The following DMD variants were observed in gnomAD, a reference collection of about 807,000 sequenced individuals.
DMD encodes the protein dystrophin, also known as mutant dystrophin.
In DMD, 63 loss-of-function variants were observed where a neutral mutation model predicts 330.1. The ratio of observed to expected loss-of-function variants is 0.19; its 90% CI spans 0.16 to 0.24. The LOEUF (loss-of-function observed/expected upper bound fraction) is 0.24, where lower values mean the gene tolerates loss of function less well. Among genes scored for constraint, DMD ranks in the 10% least tolerant of loss-of-function variants. The pLI is 1.00. For synonymous variants in DMD, 1,223 were observed against 959.8 expected (o/e 1.27, Z -5.07); for missense variants, 3,344 against 2,684.1 (o/e 1.25, Z -5.43).
intron 54 of DMD, among the ~76,000 whole-genome samples, chrX:31,644,907 T>C (rs963559999): frequency 6.3e-5 from 7 of 111,766 alleles, no homozygotes; most frequent in African/African-American, 2.3e-4. Context: ...TTGGCTGGGC[T>C]TCTGGAATTG....
At chrX:32,111,717 C>A (rs781374236) in intron 44 of DMD, among the ~76,000 whole-genome samples, 2 of 111,549 alleles carry the variant, frequency 1.8e-5, no homozygotes, top group African/African-American at 6.5e-5. Flanking sequence ...ATGTCAACCA[C>A]TTTCCATACC....
At chrX:31,611,171 C>T (rs947567588) in intron 55 of DMD, among the ~76,000 whole-genome samples, 1 of 109,080 alleles carries the variant, frequency 9.2e-6, no homozygotes, top group Admixed American at 9.9e-5. Context: ...GGCACAAGAA[C>T]TACCTAGGGG....
At chrX:32,510,654 T>C (rs999266197) in intron 18 of DMD, among the ~76,000 whole-genome samples, 1 of 111,595 alleles carries the variant, frequency 9.0e-6, no homozygotes, top group African/African-American at 3.3e-5. Context: ...GTCTCTCCCC[T>C]TACCCACAAT....
intron 54 of DMD, among the ~76,000 whole-genome samples, chrX:31,636,086 G>T (rs2079397199): frequency 8.9e-6 from 1 of 111,850 alleles, no homozygotes; most frequent in Non-Finnish European, 1.9e-5. Flanking sequence ...GCAAACTAAT[G>T]CAGGAACAGA....
intron 43 of DMD, among the ~76,000 whole-genome samples, chrX:32,276,666 T>TC (rs766664771): frequency 9.0e-6 from 1 of 111,406 alleles, no homozygotes; most frequent in South Asian, 3.8e-4. Context: ...ACGCCTGTAA[T>TC]CCTAGCACTT....
chrX:32,775,674 G>C (rs2074066122), intron 7 of DMD, among the ~76,000 whole-genome samples: 1 of 113,050 alleles, frequency 8.8e-6, no homozygotes, highest in Non-Finnish European at 1.9e-5. Flanking sequence ...GTGGGGCCTT[G>C]GGCCTGGCCC....
intron 2 of DMD, among the ~76,000 whole-genome samples, chrX:32,941,624 T>TGAAAAC (rs1164827969): frequency 9.1e-6 from 1 of 110,316 alleles, no homozygotes; most frequent in African/African-American, 3.3e-5. Flanking sequence ...GACATAAAGG[T>TGAAAAC]GAAAACGATA....
chrX:31,621,383 A>G (rs1376451727), intron 55 of DMD, among the ~76,000 whole-genome samples: 1 of 111,901 alleles, frequency 8.9e-6, no homozygotes, highest in African/African-American at 3.3e-5. Flanking sequence ...CATGGGTCTC[A>G]TATCTTTCCA....
chrX:32,520,204 G>T (rs1219196287), intron 17 of DMD, among the ~76,000 whole-genome samples: 2 of 111,102 alleles, frequency 1.8e-5, no homozygotes, highest in African/African-American at 3.3e-5. Flanking sequence ...TGACTATCAG[G>T]TTCCTGTTTC....
intron 44 of DMD, among the ~76,000 whole-genome samples, chrX:32,163,250 A>T (rs1341835654): frequency 2.7e-5 from 3 of 111,456 alleles, no homozygotes; most frequent in African/African-American, 9.8e-5. Flanking sequence ...GAATCCATGT[A>T]CCTCTCATTG....
chrX:33,015,611 G>A (rs933232431), intron 2 of DMD, among the ~76,000 whole-genome samples: 4 of 109,917 alleles, frequency 3.6e-5, no homozygotes, highest in African/African-American at 6.6e-5. Context: ...ACCAACCCCC[G>A]TGACACAAGT....
At chrX:32,807,327 T>TA (rs1334750063) in intron 7 of DMD, among the ~76,000 whole-genome samples, 1 of 110,049 alleles carries the variant, frequency 9.1e-6, no homozygotes, top group Non-Finnish European at 1.9e-5. Context: ...CAAACACCTC[T>TA]ACGCAAATAA....
At chrX:32,683,284 C>T (rs191336008) in intron 9 of DMD, among the ~76,000 whole-genome samples, 317 of 110,573 alleles carry the variant, frequency 2.9e-3, no homozygotes, top group African/African-American at 8.7e-3. Flanking sequence ...CCAGCCATCA[C>T]ATTACTGGGT....
chrX:33,328,334 G>C (rs1401839011), intron 1 of DMD, among the ~76,000 whole-genome samples: 1 of 110,484 alleles, frequency 9.1e-6, no homozygotes, highest in Non-Finnish European at 1.9e-5. Context: ...CTCCCGAGTA[G>C]CTGGGACTAC....
chrX:32,633,472 C>A lies in DMD; in HGVS notation c.1331+10660G>T, dbSNP rs779731012. Among the ~76,000 whole-genome samples, 6 of 111,965 alleles carry A rather than the reference C, an allele frequency of 5.4e-5. No homozygotes were observed. The East Asian group carries it at 1.1e-3, about 21-fold the overall frequency. ...CAGTCTCTAAGACATTCCAAATTTT[C>A]CCTCATCTGTCTTCTTCTGAGCCCT... On this transcript the variant is annotated intron_variant, in intron 11 of 78. Coordinates refer to ENST00000357033, the MANE Select transcript of DMD (RefSeq NM_004006.3).
At chrX:33,199,511 G>A (rs375281605) in intron 1 of DMD, among the ~76,000 whole-genome samples, 12 of 111,197 alleles carry the variant, frequency 1.1e-4, no homozygotes, top group African/African-American at 3.9e-4. Context: ...GCATTTAGAG[G>A]GAGGTGACTA....
At chrX:31,230,969 A>C (rs772215822) in intron 63 of DMD, among the ~76,000 whole-genome samples, 1 of 111,428 alleles carries the variant, frequency 9.0e-6, no homozygotes, top group African/African-American at 3.3e-5. Flanking sequence ...TTCTGTAACA[A>C]ATGGCCGATA....
intron 51 of DMD, among the ~76,000 whole-genome samples, chrX:31,773,395 T>C (rs1156491868): frequency 8.9e-6 from 1 of 112,188 alleles, no homozygotes; most frequent in Non-Finnish European, 1.9e-5. Flanking sequence ...CATTTGAACA[T>C]GGCATTGCAT....
At chrX:33,260,777 C>T (rs1437277634) in intron 1 of DMD, among the ~76,000 whole-genome samples, 1 of 111,333 alleles carries the variant, frequency 9.0e-6, no homozygotes, top group Non-Finnish European at 1.9e-5. Flanking sequence ...TTAAAAAGTA[C>T]TTATTGCCTT....
Sources: gnomAD v4.1 joint callset for allele counts (sites outside exome capture counted in the v4.1 genomes callset) on GRCh38, gnomAD v4.1.1 for gene constraint, MANE v1.5 for transcripts, NCBI Gene and HGNC (gene_info 2026-07-23, HGNC 2026-07-21) for gene names.